Variants in CATSPERE observed in about 807,000 individuals in gnomAD.
The protein encoded by CATSPERE is catsper channel auxiliary subunit epsilon, also known as cation channel sperm-associated auxiliary subunit epsilon.
A neutral mutation model predicts 114.1 loss-of-function variants in CATSPERE; 93 were observed. The observed-to-expected ratio is 0.81, with a 90% CI of 0.69 to 0.97. The LOEUF is 0.97. Among genes scored for constraint, CATSPERE ranks in the 50% least tolerant of loss-of-function variants. CATSPERE has a pLI of 0.00. For missense variants in CATSPERE, 1,058 were observed against 1,131.6 expected (o/e 0.93, Z 0.93); for synonymous variants, 341 against 384.1 (o/e 0.89, Z 1.31).
chr1:244,582,858 A>G (rs1317577882), intron 12 of CATSPERE, among the ~76,000 whole-genome samples: 1 of 120,954 alleles, frequency 8.3e-6, no homozygotes, highest in Non-Finnish European at 1.9e-5. Context: ...ACAGCCAATC[A>G]TCAAATAAGT....
intron 14 of CATSPERE, among the ~76,000 whole-genome samples, chr1:244,590,475 G>C (rs10927273): frequency 0.18 from 27,916 of 152,032 alleles, 3,691 homozygotes; most frequent in East Asian, 0.39. Flanking sequence ...CTAAAGTATA[G>C]AATTCAATGG....
intron 8 of CATSPERE, 68 bp from the exon 9 acceptor site, chr1:244,552,254 A>G: frequency 1.3e-6 from 2 of 1,505,154 alleles, no homozygotes; most frequent in Non-Finnish European, 1.8e-6. Context: ...AAGATGATAG[A>G]TATCAACTGT....
intron 18 of CATSPERE, among the ~76,000 whole-genome samples, chr1:244,608,971 T>G (rs979934457): frequency 6.6e-6 from 1 of 152,030 alleles, no homozygotes; most frequent in African/African-American, 2.4e-5. Context: ...GGTGATCACT[T>G]GAGGTCAACT....
intron 17 of CATSPERE, among the ~76,000 whole-genome samples, chr1:244,594,192 T>C (rs928143808): frequency 1.3e-5 from 2 of 152,062 alleles, no homozygotes; most frequent in Non-Finnish European, 2.9e-5. Flanking sequence ...TGGTGGTGTG[T>C]GCCTGTGGTC....
At position 244,502,447 on chromosome 1, in the gene CATSPERE, A is replaced by G. The variant is rs111959798; in HGVS notation, c.429+3368A>G. ...TAATTAGAGCATTAAGTTCGTTTTC[A>G]TCTAATAGAGACACAATATATTCTT... On this transcript the variant is annotated intron_variant, in intron 7 of 21. Coordinates refer to ENST00000366534, the MANE Select transcript of CATSPERE (RefSeq NM_001130957.2). Among the ~76,000 whole-genome samples the G allele has an allele frequency of 5.6e-3, 859 of 152,194 alleles. 8 individuals are homozygous for G. The highest frequency in any genetic ancestry group is 0.02 in the African/African-American group (817 of 41,526).
At chr1:244,460,507 C>T (rs1361022484), upstream of CATSPERE, among the ~76,000 whole-genome samples, 1 of 152,236 alleles carries the variant, frequency 6.6e-6, no homozygotes, top group Non-Finnish European at 1.5e-5. Flanking sequence ...CGCCAACCCA[C>T]CAAGTTATCC....
At chr1:244,495,933 AAT>A (rs1673010834) in intron 6 of CATSPERE, among the ~76,000 whole-genome samples, 1 of 152,228 alleles carries the variant, frequency 6.6e-6, no homozygotes. Flanking sequence ...AATAAATACA[AAT>A]ACAACTTTGC....
intron 2 of CATSPERE, among the ~76,000 whole-genome samples, chr1:244,466,666 G>A (rs1558308344): frequency 6.6e-6 from 1 of 152,180 alleles, no homozygotes; most frequent in Non-Finnish European, 1.5e-5. Context: ...GAAATTAGGT[G>A]CTCACCAAAC....
chr1:244,574,133 A>C (rs912318940), intron 11 of CATSPERE, among the ~76,000 whole-genome samples: 1 of 152,250 alleles, frequency 6.6e-6, no homozygotes, highest in Non-Finnish European at 1.5e-5. Flanking sequence ...CTAATAATTT[A>C]AAACTTTCCT....
intron 8 of CATSPERE, among the ~76,000 whole-genome samples, chr1:244,520,809 A>G (rs764536551): frequency 6.6e-6 from 1 of 152,242 alleles, no homozygotes. Flanking sequence ...AGAAAAATAT[A>G]AATCGTCAAA....
intron 17 of CATSPERE, among the ~76,000 whole-genome samples, chr1:244,599,872 T>C (rs1668952654): frequency 6.6e-6 from 1 of 152,184 alleles, no homozygotes; most frequent in African/African-American, 2.4e-5. Context: ...AAATATAGTC[T>C]ACAGTTTTTC....
intron 14 of CATSPERE, 35 bp downstream of exon 14, chr1:244,588,569 T>C (rs766210167): frequency 2.7e-6 from 4 of 1,503,392 alleles, no homozygotes; most frequent in Non-Finnish European, 3.7e-6. Flanking sequence ...TGTTACTCTT[T>C]AAGTTTTAAA....
intron 10 of CATSPERE, among the ~76,000 whole-genome samples, chr1:244,569,334 T>C (rs1476870097): frequency 6.6e-6 from 1 of 152,242 alleles, no homozygotes; most frequent in Non-Finnish European, 1.5e-5. Flanking sequence ...GCCTTCTGCG[T>C]TGATCTCGCT....
chr1:244,490,722 T>C, intron 6 of CATSPERE, among the ~76,000 whole-genome samples: 1 of 152,168 alleles, frequency 6.6e-6, no homozygotes, highest in South Asian at 2.1e-4. Context: ...ACAACTTGGC[T>C]GAAGGAGCAG....
chr1:244,533,889 C>CTA (rs35750576), intron 8 of CATSPERE, among the ~76,000 whole-genome samples: 1 of 151,810 alleles, frequency 6.6e-6, no homozygotes, highest in Non-Finnish European at 1.5e-5. Flanking sequence ...TGATTGCTCA[C>CTA]TGTCTTTTTC....
At chr1:244,451,733 G>A, upstream of CATSPERE, 1 of 1,608,106 alleles carries the variant, frequency 6.2e-7, no homozygotes, top group Non-Finnish European at 8.5e-7. This position sits in a 1 kb window ranked among gnomAD's most constrained non-coding sequence, Gnocchi z 6.6. Context: ...ACCGTCACCC[G>A]GTTTCCTCCG....
chr1:244,540,951 A>C (rs1424852758), intron 8 of CATSPERE, among the ~76,000 whole-genome samples: 27 of 55,454 alleles, frequency 4.9e-4, no homozygotes, highest in African/African-American at 1.4e-3. Flanking sequence ...CTGGCTAGCC[A>C]TATGTAGAAA....
intron 15 of CATSPERE, among the ~76,000 whole-genome samples, chr1:244,592,819 A>G (rs1390660446): frequency 6.6e-6 from 1 of 152,184 alleles, no homozygotes; most frequent in African/African-American, 2.4e-5. Context: ...GGGTTTCCTG[A>G]GTCTGTCCCC....
chr1:244,580,373 C>T (rs1366480792), intron 11 of CATSPERE, among the ~76,000 whole-genome samples: 3 of 151,954 alleles, frequency 2.0e-5, no homozygotes, highest in Non-Finnish European at 4.4e-5. Context: ...GGAATTGAGG[C>T]TCAATGAAGT....
Sources: gnomAD v4.1 joint callset for allele counts (sites outside exome capture counted in the v4.1 genomes callset) on GRCh38, gnomAD v4.1.1 for gene constraint, Gnocchi (gnomAD v3.1) non-coding constraint, MANE v1.5 for transcripts, NCBI Gene and HGNC (gene_info 2026-07-23, HGNC 2026-07-21) for gene names.